Variants in HS1BP3 observed in about 807,000 individuals in gnomAD.
HS1BP3 encodes the protein HCLS1-binding protein 3.
Under a neutral mutation model 33.5 loss-of-function variants are expected in HS1BP3, and 32 were observed. The observed-to-expected ratio is 0.95, with a 90% CI of 0.72 to 1.28. The LOEUF (loss-of-function observed/expected upper bound fraction) is 1.28, where lower values mean the gene tolerates loss of function less well. HS1BP3 is among the 50% of genes most tolerant of loss of function. The pLI is 0.00. For missense variants in HS1BP3, 486 were observed against 502.3 expected, an observed-to-expected ratio of 0.97 and a Z score of 0.31; for synonymous variants, 187 against 209.2, an observed-to-expected ratio of 0.89 and a Z score of 0.92.
Position 20,651,043 on chromosome 2 carries a change from G to C in HS1BP3, c.21C>G (p.Leu7=). Residue 7 remains leucine (L), a synonymous_variant, in exon 1 of 7, where the codon CTC becomes CTG. Coordinates refer to ENST00000304031, the MANE Select transcript of HS1BP3 (RefSeq NM_022460.4). ...GGGGTCTGGCTCACCTGGAGGTGACGAGCACCGCCGGGGACTGCATGACGG... is the reference window on the plus strand; with the variant it reads ...GGGGTCTGGCTCACCTGGAGGTGACCAGCACCGCCGGGGACTGCATGACGG... The part of the protein sequence containing the change: MQSPAV[L]VTSRRLQNAH... The C allele has an allele frequency of 8.1e-7, 1 of 1,240,284 alleles. No individual in the cohort carries two copies. Among genetic ancestry groups the C allele is most frequent in the Non-Finnish European group, 1.0e-6 (1 of 992,826 alleles). 76.8% of individuals were successfully genotyped at this position (1,240,284 alleles called of 1,614,324 possible).
At chr2:20,582,936 G>A (rs1405281358) in intron 5 of HS1BP3, among the ~76,000 whole-genome samples, 2 of 152,084 alleles carry the variant, frequency 1.3e-5, no homozygotes, top group African/African-American at 2.4e-5. Context: ...AGGCCAGGAG[G>A]AGTCCCAACC....
At chr2:20,580,183 G>A (rs930906705) in intron 5 of HS1BP3, among the ~76,000 whole-genome samples, 1 of 152,270 alleles carries the variant, frequency 6.6e-6, no homozygotes, top group African/African-American at 2.4e-5. Flanking sequence ...AAGGCTGAGG[G>A]CCTGCCCCTG....
rs535174101 is a variant in HS1BP3, at chr2:20,645,446, C to A, written c.92G>T (p.Arg31Leu). ...CACGTGTCCAGACATCATCTTGCCC[C>A]GTACCTCCTGGTGCTGGGGCACAGT... is the stretch of plus-strand genomic sequence containing the variant. ...DLTVPQHQEV[R>L]GKMMSGHVEY... Residue 31 changes from arginine to leucine, a missense_variant, in exon 2 of 7, where the codon CGG becomes CTG. Physicochemically the swap from Arg to Leu is moderately radical, Grantham distance 102. Coordinates refer to ENST00000304031, the MANE Select transcript of HS1BP3 (RefSeq NM_022460.4). 2.5e-6 allele frequency: 4 copies of A among 1,613,988 alleles called. No homozygotes were observed. Among genetic ancestry groups the A allele is most frequent in the Non-Finnish European group, 3.4e-6 (4 of 1,180,020 alleles).
intron 4 of HS1BP3, among the ~76,000 whole-genome samples, chr2:20,627,502 C>A (rs1210411028): frequency 6.6e-6 from 1 of 152,226 alleles, no homozygotes; most frequent in East Asian, 1.9e-4. Flanking sequence ...CCTTCCTACG[C>A]CTGCACCTGG....
At chr2:20,592,380 T>C (rs879493962), downstream of HS1BP3, 2 of 149,994 alleles carry the variant, frequency 1.3e-5, no homozygotes, top group Non-Finnish European at 3.1e-5. Context: ...TGTCCCTCTC[T>C]TCTGACCTCC....
At chr2:20,632,922 C>A (rs114402215) in intron 4 of HS1BP3, among the ~76,000 whole-genome samples, 6 of 152,196 alleles carry the variant, frequency 3.9e-5, no homozygotes, top group Admixed American at 2.0e-4. Flanking sequence ...GGAAAAGCTG[C>A]CTTTTATATT....
chr2:20,560,105 T>C (rs1692954137), downstream of HS1BP3, among the ~76,000 whole-genome samples: 1 of 152,162 alleles, frequency 6.6e-6, no homozygotes, highest in South Asian at 2.1e-4. Context: ...ACAGACCCCA[T>C]GGACATTTGG....
At chr2:20,603,591 G>A (rs1377706346) in intron 2 of HS1BP3, among the ~76,000 whole-genome samples, 1 of 152,246 alleles carries the variant, frequency 6.6e-6, no homozygotes, top group Admixed American at 6.5e-5. Flanking sequence ...AGGGGATAGA[G>A]AGATTGGGGT....
chr2:20,589,557 C>T (rs1293862811), downstream of HS1BP3, among the ~76,000 whole-genome samples: 1 of 152,210 alleles, frequency 6.6e-6, no homozygotes, highest in Non-Finnish European at 1.5e-5. Flanking sequence ...TAAGCGGCAG[C>T]TGGTCAGTGA....
intron 5 of HS1BP3, among the ~76,000 whole-genome samples, chr2:20,574,242 T>G (rs1170720893): frequency 6.6e-6 from 1 of 152,208 alleles, no homozygotes; most frequent in East Asian, 1.9e-4. Context: ...AAAACAAGCC[T>G]GTTAGATCCC....
chr2:20,608,937 G>A (rs1336032786), intron 2 of HS1BP3, among the ~76,000 whole-genome samples: 2 of 152,184 alleles, frequency 1.3e-5, no homozygotes, highest in African/African-American at 2.4e-5. Context: ...GCATGAAGAG[G>A]CCTGAGGCAC....
chr2:20,600,586 A>T (rs1235639863), intron 2 of HS1BP3, among the ~76,000 whole-genome samples: 1 of 152,168 alleles, frequency 6.6e-6, no homozygotes, highest in Non-Finnish European at 1.5e-5. Flanking sequence ...ATAAAATAGC[A>T]CGGATTGTGG....
At chr2:20,568,427 G>A (rs1037665449) in intron 5 of HS1BP3, among the ~76,000 whole-genome samples, 1 of 152,146 alleles carries the variant, frequency 6.6e-6, no homozygotes, top group African/African-American at 2.4e-5. Flanking sequence ...ATGGAGGAAG[G>A]GGCCAAGCCT....
intron 6 of HS1BP3, 99 bp from the exon 7 acceptor site, chr2:20,619,344 G>A (rs758416167): frequency 3.4e-5 from 37 of 1,092,046 alleles, no homozygotes; most frequent in African/African-American, 8.0e-5. Flanking sequence ...GCTGGGCAGC[G>A]GCAGGGAGCC....
chr2:20,644,633 A>G (rs1695461081), intron 2 of HS1BP3, among the ~76,000 whole-genome samples: 1 of 152,130 alleles, frequency 6.6e-6, no homozygotes, highest in Non-Finnish European at 1.5e-5. Context: ...CTTCCATACC[A>G]AGTGCAACTG....
chr2:20,566,155 C>A (rs1462733435), intron 5 of HS1BP3, among the ~76,000 whole-genome samples: 2 of 152,278 alleles, frequency 1.3e-5, no homozygotes, highest in Non-Finnish European at 2.9e-5. Flanking sequence ...CATCCCGGCA[C>A]TGACAGGGAG....
At chr2:20,640,777 G>A (rs565969287) in intron 3 of HS1BP3, 196 bp downstream of exon 3, 19 of 626,606 alleles carry the variant, frequency 3.0e-5, no homozygotes, top group South Asian at 1.3e-4. Flanking sequence ...ACAGCCAGAC[G>A]TTCAGTCCCT....
intron 3 of HS1BP3, chr2:20,640,722 T>TG (rs1406476594): frequency 6.7e-6 from 4 of 597,052 alleles, no homozygotes; most frequent in Non-Finnish European, 1.2e-5. Flanking sequence ...AGGCCATGGA[T>TG]GGGGTCACAC....
At chr2:20,617,203 C>T (rs1430611943), downstream of HS1BP3, among the ~76,000 whole-genome samples, 2 of 152,118 alleles carry the variant, frequency 1.3e-5, no homozygotes, top group African/African-American at 2.4e-5. Context: ...AGCCACCTCT[C>T]GGAGGAAGAC....
Sources: gnomAD v4.1 joint callset for allele counts (sites outside exome capture counted in the v4.1 genomes callset) on GRCh38, gnomAD v4.1.1 for gene constraint, MANE v1.5 for transcripts, NCBI Gene and HGNC (gene_info 2026-07-23, HGNC 2026-07-21) for gene names.